PGCKA1: variants seen among roughly 807,000 people sequenced by gnomAD.
The protein encoded by PGCKA1 is PDCD10 and GCKIII kinases-associated protein 1.
the PGCKA1 span, among the ~76,000 whole-genome samples, chr4:37,545,939 C>T: frequency 1.3e-5 from 2 of 152,124 alleles, no homozygotes; most frequent in South Asian, 4.1e-4. Context: ...TACAGAAGTC[C>T]TACTTTGTAT....
chr4:37,497,409 T>A, the PGCKA1 span, among the ~76,000 whole-genome samples: 1 of 152,194 alleles, frequency 6.6e-6, no homozygotes, highest in Non-Finnish European at 1.5e-5. Flanking sequence ...TGTGCAAGTA[T>A]CTTTTTCGAA....
the PGCKA1 span, among the ~76,000 whole-genome samples, chr4:37,491,259 A>G: frequency 6.6e-6 from 1 of 152,146 alleles, no homozygotes; most frequent in Non-Finnish European, 1.5e-5. Context: ...ATGGAAGATG[A>G]TGGCTTAGCT....
At chr4:37,577,479 A>G in the PGCKA1 span, among the ~76,000 whole-genome samples, 2 of 151,434 alleles carry the variant, frequency 1.3e-5, no homozygotes, top group South Asian at 2.1e-4. Context: ...TAGTCTGGCT[A>G]AAGGTTTGCC....
At chr4:37,482,778 T>C in the PGCKA1 span, among the ~76,000 whole-genome samples, 1 of 152,244 alleles carries the variant, frequency 6.6e-6, no homozygotes, top group East Asian at 1.9e-4. Flanking sequence ...GGGCCCAGGC[T>C]CACCTGCTCT....
At chr4:37,565,636 C>G in the PGCKA1 span, among the ~76,000 whole-genome samples, 2 of 152,290 alleles carry the variant, frequency 1.3e-5, no homozygotes, top group African/African-American at 4.8e-5. Context: ...AGCCTTTTGA[C>G]CCCACCATTG....
At chr4:37,577,837 C>T in the PGCKA1 span, among the ~76,000 whole-genome samples, 2 of 152,060 alleles carry the variant, frequency 1.3e-5, no homozygotes, top group African/African-American at 4.8e-5. Context: ...TGTTGAATTT[C>T]CATATGTTCA....
At chr4:37,467,954 G>T in the PGCKA1 span, among the ~76,000 whole-genome samples, 1 of 152,170 alleles carries the variant, frequency 6.6e-6, no homozygotes, top group Non-Finnish European at 1.5e-5. Flanking sequence ...ACTCTCAGGA[G>T]CTCGCTCATG....
At chr4:37,480,629 G>A in the PGCKA1 span, among the ~76,000 whole-genome samples, 1 of 152,254 alleles carries the variant, frequency 6.6e-6, no homozygotes, top group Admixed American at 6.5e-5. Flanking sequence ...ATGTTTCTGT[G>A]TGTGGAGAAG....
chr4:37,509,237 C>G, the PGCKA1 span, among the ~76,000 whole-genome samples: 1 of 143,268 alleles, frequency 7.0e-6, no homozygotes, highest in African/African-American at 2.7e-5. Context: ...GGGCTCCTCA[C>G]TTCCCAGAAG....
chr4:37,554,674 C>T, the PGCKA1 span, among the ~76,000 whole-genome samples: 2 of 152,058 alleles, frequency 1.3e-5, no homozygotes, highest in Non-Finnish European at 2.9e-5. Context: ...AGAGTAATTA[C>T]CTTTATTTTG....
At chr4:37,466,245 ATTATAT>A in the PGCKA1 span, among the ~76,000 whole-genome samples, 4 of 150,798 alleles carry the variant, frequency 2.7e-5, no homozygotes, top group South Asian at 2.1e-4. Context: ...TTTCTGAAAT[ATTATAT>A]TTATATTTTG....
chr4:37,547,057 T>C, the PGCKA1 span, among the ~76,000 whole-genome samples: 10 of 152,288 alleles, frequency 6.6e-5, no homozygotes, highest in South Asian at 1.0e-3. Flanking sequence ...GGACTGGTCT[T>C]GGGAACTTGC....
chr4:37,590,923 G>A, the PGCKA1 span: 5 of 1,614,246 alleles, frequency 3.1e-6, no homozygotes, highest in South Asian at 1.1e-5. Flanking sequence ...GATTGTGGAC[G>A]AGGATGCAGC....
At chr4:37,580,937 T>C in the PGCKA1 span, among the ~76,000 whole-genome samples, 190 of 152,168 alleles carry the variant, frequency 1.2e-3, 1 homozygote, top group African/African-American at 4.4e-3. Flanking sequence ...GGCTGAGCTG[T>C]CACTCAAACC....
the PGCKA1 span, among the ~76,000 whole-genome samples, chr4:37,555,212 G>A: frequency 6.6e-6 from 1 of 152,314 alleles, no homozygotes; most frequent in East Asian, 1.9e-4. Context: ...GGTAGGGCAA[G>A]TAGGGCGTTC....
At chr4:37,564,140 G>A in the PGCKA1 span, among the ~76,000 whole-genome samples, 2 of 151,848 alleles carry the variant, frequency 1.3e-5, no homozygotes, top group Admixed American at 6.6e-5. Context: ...TGGGCGTGGT[G>A]GCAGGCACCT....
chr4:37,555,653 A>C, the PGCKA1 span, among the ~76,000 whole-genome samples: 4 of 152,160 alleles, frequency 2.6e-5, no homozygotes, highest in African/African-American at 7.2e-5. Context: ...CAGTATAATC[A>C]AAGTCAAGAT....
the PGCKA1 span, among the ~76,000 whole-genome samples, chr4:37,523,287 AGTT>A: frequency 5.3e-5 from 8 of 151,952 alleles, no homozygotes; most frequent in Admixed American, 2.0e-4. Flanking sequence ...AGTGACTCAC[AGTT>A]GTTGTGTTCT....
At chr4:37,587,691 C>A in the PGCKA1 span, among the ~76,000 whole-genome samples, 1 of 152,068 alleles carries the variant, frequency 6.6e-6, no homozygotes, top group African/African-American at 2.4e-5. Flanking sequence ...GCTGTAGGCC[C>A]GTCACAGTGG....
Sources: gnomAD v4.1 joint callset for allele counts (sites outside exome capture counted in the v4.1 genomes callset) on GRCh38, gnomAD v4.1.1 for gene constraint, MANE v1.5 for transcripts, NCBI Gene and HGNC (gene_info 2026-07-23, HGNC 2026-07-21) for gene names.